TRAPPC9: variants seen among roughly 807,000 people sequenced by gnomAD.
TRAPPC9 encodes IKK2 binding protein.
A neutral mutation model predicts 124.0 loss-of-function variants in TRAPPC9; 83 were observed. The ratio of observed to expected loss-of-function variants is 0.67; its 90% CI spans 0.56 to 0.80. The LOEUF is 0.80. Ranked by LOEUF, TRAPPC9 falls within the 30% of genes least tolerant of loss-of-function variation. The pLI, the probability that TRAPPC9 is intolerant of heterozygous loss-of-function variation, is 0.00. For missense variants in TRAPPC9, 1,302 were observed against 1,508.3 expected, an observed-to-expected ratio of 0.86 and a Z score of 2.27; for synonymous variants, 638 against 617.5, an observed-to-expected ratio of 1.03 and a Z score of -0.49.
chr8:140,339,591 C>CCAAA (rs756679401), intron 9 of TRAPPC9, among the ~76,000 whole-genome samples: 4 of 152,184 alleles, frequency 2.6e-5, no homozygotes, highest in Admixed American at 2.0e-4. Context: ...GGTCCTTTGT[C>CCAAA]CAAACAAACA....
At chr8:139,814,717 G>C (rs1260432496) in intron 21 of TRAPPC9, among the ~76,000 whole-genome samples, 5 of 151,316 alleles carry the variant, frequency 3.3e-5, no homozygotes, top group Non-Finnish European at 5.9e-5. Flanking sequence ...AAAAAAGAAA[G>C]GAAAGGAAAG....
At chr8:139,737,426 G>C (rs1003780173) in intron 21 of TRAPPC9, among the ~76,000 whole-genome samples, 5 of 99,436 alleles carry the variant, frequency 5.0e-5, no homozygotes, top group Admixed American at 3.5e-4. Context: ...CCACCCCGCA[G>C]AGCACCTTCC....
intron 19 of TRAPPC9, among the ~76,000 whole-genome samples, chr8:139,927,724 G>T (rs181761646): frequency 3.9e-5 from 6 of 152,290 alleles, no homozygotes; most frequent in Non-Finnish European, 5.9e-5. Context: ...ATCAACAGGC[G>T]AATGCATACA....
At chr8:139,892,334 G>A (rs1315993411) in intron 20 of TRAPPC9, among the ~76,000 whole-genome samples, 3 of 152,206 alleles carry the variant, frequency 2.0e-5, no homozygotes, top group Non-Finnish European at 2.9e-5. Flanking sequence ...GCACCAAGGT[G>A]GCCCTGAGAC....
At chr8:140,283,768 C>T (rs1043691664) in intron 14 of TRAPPC9, 121 bp downstream of exon 14, 19 of 1,045,998 alleles carry the variant, frequency 1.8e-5, no homozygotes, top group Admixed American at 1.9e-5. Flanking sequence ...TTACAGAAAT[C>T]CTTCACCTAT....
At chr8:140,284,343 C>T (rs150282676) in intron 13 of TRAPPC9, among the ~76,000 whole-genome samples, 62 of 152,284 alleles carry the variant, frequency 4.1e-4, no homozygotes, top group African/African-American at 1.4e-3. Flanking sequence ...TACTCATTTG[C>T]TTTTCAGATT....
At position 139,813,486 on chromosome 8, in the gene TRAPPC9, G is replaced by A. The variant is rs1824585040; in HGVS notation, c.3055+72393C>T. ...GGCAGATGCCGCAGGAATGAGACTTGGTGCTGGTCTATGAGCCGAGAAGGG... is the reference window on the plus strand; with the variant it reads ...GGCAGATGCCGCAGGAATGAGACTTAGTGCTGGTCTATGAGCCGAGAAGGG... On this transcript the variant is annotated intron_variant, in intron 21 of 22. Transcript: ENST00000438773. Among the ~76,000 whole-genome samples, 2 of 152,194 alleles carry A rather than the reference G, an allele frequency of 1.3e-5. 1 individual carries two copies. Among genetic ancestry groups the A allele is most frequent in the South Asian group, 4.1e-4 (2 of 4,830 alleles).
chr8:140,277,698 C>T (rs2065168377), intron 14 of TRAPPC9, among the ~76,000 whole-genome samples: 1 of 152,188 alleles, frequency 6.6e-6, no homozygotes, highest in African/African-American at 2.4e-5. Flanking sequence ...CTGAACAGGC[C>T]ATGGCACTAA....
chr8:139,892,815 G>A (rs1287973323), intron 20 of TRAPPC9, among the ~76,000 whole-genome samples: 1 of 152,094 alleles, frequency 6.6e-6, no homozygotes, highest in Non-Finnish European at 1.5e-5. Context: ...CCATGGTGTG[G>A]GCATCCCTCC....
intron 17 of TRAPPC9, chr8:140,099,030 G>A (rs1254767777): frequency 6.6e-6 from 1 of 152,086 alleles, no homozygotes; most frequent in Non-Finnish European, 1.5e-5. Context: ...ACGTCTCAGT[G>A]CGGGGCTTTA....
rs1323130647 is a variant in TRAPPC9 at position 140,370,150 on chromosome 8, GT to G, written c.1351+813del. Reference sequence around the variant, plus strand: ...AATGTTTTTTTTTTTGTTTTTTTGGGTTTTTTTTAGATAAGGTCTTTCTCTG... The same window carrying G: ...AATGTTTTTTTTTTTGTTTTTTTGGGTTTTTTTAGATAAGGTCTTTCTCTG... On this transcript the variant is annotated intron_variant, in intron 8 of 22. Coordinates refer to ENST00000438773, the MANE Select transcript of TRAPPC9 (RefSeq NM_001160372.4). Among the ~76,000 whole-genome samples, 245 of 150,498 alleles carry G rather than the reference GT, an allele frequency of 1.6e-3. 1 individual carries two copies. Among genetic ancestry groups the G allele is most frequent in the Non-Finnish European group, 2.6e-3 (178 of 67,590 alleles).
chr8:140,033,673 T>TTTTGTTTTTTTTTTTTG (rs1554611622), intron 17 of TRAPPC9, among the ~76,000 whole-genome samples: 1 of 76,732 alleles, frequency 1.3e-5, no homozygotes, highest in Non-Finnish European at 2.6e-5. Context: ...TTTTTTTTTT[T>TTTTGTTTTTTTTTTTTG]TTTTTTTTTT....
chr8:140,048,685 C>G (rs1391397155), intron 17 of TRAPPC9, among the ~76,000 whole-genome samples: 1 of 152,162 alleles, frequency 6.6e-6, no homozygotes, highest in Admixed American at 6.5e-5. Context: ...GAGTGGGAGA[C>G]TGAGGTTTAG....
intron 18 of TRAPPC9, among the ~76,000 whole-genome samples, chr8:140,016,085 T>C (rs181558717): frequency 9.2e-4 from 140 of 152,290 alleles, no homozygotes; most frequent in African/African-American, 3.2e-3. Flanking sequence ...TAGTACAACG[T>C]TTCATTTTTT....
At chr8:140,199,436 CAAG>C (rs1563839555) in intron 17 of TRAPPC9, among the ~76,000 whole-genome samples, 4,391 of 152,210 alleles carry the variant, frequency 0.029, 227 homozygotes, top group African/African-American at 0.1. Flanking sequence ...ATTATGCAGA[CAAG>C]TTAAGTAACC....
intron 20 of TRAPPC9, among the ~76,000 whole-genome samples, chr8:139,906,450 G>C (rs898828829): frequency 6.6e-6 from 1 of 152,192 alleles, no homozygotes; most frequent in Non-Finnish European, 1.5e-5. Flanking sequence ...GTGCCCGGGG[G>C]TGCCCAATCA....
chr8:139,864,465 T>G (rs1393458429), intron 21 of TRAPPC9, among the ~76,000 whole-genome samples: 1 of 152,204 alleles, frequency 6.6e-6, no homozygotes, highest in Non-Finnish European at 1.5e-5. Context: ...TCTTTTGAAA[T>G]TCATTTTCTC....
intron 21 of TRAPPC9, among the ~76,000 whole-genome samples, chr8:139,812,626 AC>A (rs1275308248): frequency 1.3e-5 from 2 of 152,200 alleles, no homozygotes; most frequent in Admixed American, 1.3e-4. Context: ...AAAATAAAAA[AC>A]CTTTACAGAA....
chr8:140,401,319 T>C (rs982740943), intron 6 of TRAPPC9, among the ~76,000 whole-genome samples: 1 of 152,230 alleles, frequency 6.6e-6, no homozygotes, highest in Non-Finnish European at 1.5e-5. Flanking sequence ...TCCACACATA[T>C]AATGTACATG....
Sources: gnomAD v4.1 joint callset for allele counts (sites outside exome capture counted in the v4.1 genomes callset) on GRCh38, gnomAD v4.1.1 for gene constraint, MANE v1.5 for transcripts, NCBI Gene and HGNC (gene_info 2026-07-23, HGNC 2026-07-21) for gene names.